The following SHISA9 variants were observed in gnomAD, a reference collection of about 807,000 sequenced individuals.
SHISA9 encodes the protein protein shisa-9.
Under a neutral mutation model 38.0 loss-of-function variants are expected in SHISA9, and 13 were observed. That is an observed-to-expected ratio of 0.34 (90% CI 0.22 to 0.54). SHISA9 has a LOEUF of 0.54. SHISA9 is among the 20% of genes least tolerant of loss of function. The probability of loss-of-function intolerance (pLI) is 0.91; values close to 1 mark genes in which losing one functional copy is unlikely to be tolerated. For synonymous variants in SHISA9, 275 were observed against 242.0 expected (o/e 1.14, Z -1.27); for missense variants, 538 against 575.8 (o/e 0.93, Z 0.67).
At chr16:13,001,243 G>T (rs2072520745) in intron 2 of SHISA9, among the ~76,000 whole-genome samples, 1 of 152,120 alleles carries the variant, frequency 6.6e-6, no homozygotes, top group Admixed American at 6.5e-5. Flanking sequence ...ACTTCTTTTT[G>T]AGATGCAACT....
the SHISA9 span, among the ~76,000 whole-genome samples, chr16:13,278,431 C>T: frequency 6.6e-6 from 1 of 151,842 alleles, no homozygotes; most frequent in African/African-American, 2.4e-5. Flanking sequence ...TTGGCTTCAT[C>T]AAATGAATTT....
At position 13,235,385 on chromosome 16, in the gene SHISA9, C is replaced by T. The variant is rs1428333848; in HGVS notation, c.1251C>T (p.Asn417=). The T allele has an allele frequency of 3.2e-6, 5 of 1,538,724 alleles. No homozygotes were observed. The East Asian group carries it at 9.8e-5, about 30-fold the overall frequency. ...CCCCACAGCCATACTTCATCACCAA[C>T]AGCAAAACAGAAGTGACTGTCTGAG... ...YPPPQPYFIT[N]SKTEVTV Residue 417 remains asparagine, a synonymous_variant, in exon 5 of 5, where the codon AAC becomes AAT. Transcript: ENST00000558583.
chr16:13,190,788 G>C (rs888245336), intron 2 of SHISA9, among the ~76,000 whole-genome samples: 1 of 151,998 alleles, frequency 6.6e-6, no homozygotes, highest in African/African-American at 2.4e-5. Context: ...AACAACTCTA[G>C]TTTTAAAATA....
chr16:13,067,972 T>A (rs548035321), intron 2 of SHISA9, among the ~76,000 whole-genome samples: 2 of 152,368 alleles, frequency 1.3e-5, no homozygotes, highest in African/African-American at 4.8e-5. Context: ...TGATGTCACC[T>A]TTTTAATTGT....
intron 2 of SHISA9, among the ~76,000 whole-genome samples, chr16:12,927,540 A>G (rs2071406994): frequency 1.3e-5 from 2 of 151,260 alleles, no homozygotes; most frequent in South Asian, 4.2e-4. Flanking sequence ...CTGGGGCCAC[A>G]GGCATGTGCA....
chr16:13,435,232 T>G, the SHISA9 span, among the ~76,000 whole-genome samples: 1 of 152,188 alleles, frequency 6.6e-6, no homozygotes, highest in African/African-American at 2.4e-5. Flanking sequence ...AGAATCTTTT[T>G]TTTTTTTCAG....
chr16:13,434,435 TGAGA>T, the SHISA9 span, among the ~76,000 whole-genome samples: 5 of 149,948 alleles, frequency 3.3e-5, no homozygotes, highest in African/African-American at 4.9e-5. Context: ...TTTTTTTTTT[TGAGA>T]TCGAGTTTCA....
the SHISA9 span, among the ~76,000 whole-genome samples, chr16:13,299,893 G>T: frequency 2.0e-5 from 3 of 152,210 alleles, no homozygotes; most frequent in East Asian, 1.9e-4. Context: ...CAAATGGCAG[G>T]TACTGGTTGT....
chr16:13,554,749 C>T, the SHISA9 span, among the ~76,000 whole-genome samples: 2 of 152,148 alleles, frequency 1.3e-5, no homozygotes, highest in Admixed American at 1.3e-4. Context: ...GCTTCGGCCT[C>T]CCAAAGAGCC....
chr16:13,233,323 A>G (rs1205160237), intron 4 of SHISA9, among the ~76,000 whole-genome samples: 4 of 151,996 alleles, frequency 2.6e-5, no homozygotes, highest in Non-Finnish European at 5.9e-5. Context: ...GGAAGGAAGG[A>G]AGGAAGGAAT....
the SHISA9 span, among the ~76,000 whole-genome samples, chr16:13,411,296 T>A: frequency 2.1e-4 from 32 of 152,202 alleles, no homozygotes; most frequent in African/African-American, 7.7e-4. Flanking sequence ...CCAAATTTTG[T>A]GTGAATCAAA....
chr16:13,068,965 A>G (rs1307667013), intron 2 of SHISA9, among the ~76,000 whole-genome samples: 1 of 151,962 alleles, frequency 6.6e-6, no homozygotes, highest in Non-Finnish European at 1.5e-5. Flanking sequence ...GTACATATGC[A>G]TGTATGTATA....
At chr16:13,517,788 C>T in the SHISA9 span, among the ~76,000 whole-genome samples, 1 of 152,192 alleles carries the variant, frequency 6.6e-6, no homozygotes, top group Non-Finnish European at 1.5e-5. Flanking sequence ...GAGACATCCC[C>T]TTCTGCAGAG....
chr16:13,539,418 C>T, the SHISA9 span, among the ~76,000 whole-genome samples: 1 of 141,890 alleles, frequency 7.0e-6, no homozygotes, highest in African/African-American at 2.6e-5. Flanking sequence ...TCAAGCAAGC[C>T]TCCTGCTTTG....
chr16:13,343,779 G>A, the SHISA9 span, among the ~76,000 whole-genome samples: 9 of 152,038 alleles, frequency 5.9e-5, no homozygotes, highest in African/African-American at 2.2e-4. Context: ...ATTATATTAG[G>A]CATCATGATC....
intron 2 of SHISA9, among the ~76,000 whole-genome samples, chr16:12,969,492 C>G (rs1482266360): frequency 6.6e-6 from 1 of 151,924 alleles, no homozygotes; most frequent in East Asian, 1.9e-4. Flanking sequence ...ACCTGTAATC[C>G]CAGGACTTTG....
At chr16:12,968,189 C>CAAAAAAAAAAAAAAAAAAAA (rs200194973) in intron 2 of SHISA9, among the ~76,000 whole-genome samples, 2 of 82,002 alleles carry the variant, frequency 2.4e-5, no homozygotes, top group African/African-American at 9.9e-5. Flanking sequence ...GGCTCCATCT[C>CAAAAAAAAAAAAAAAAAAAA]AAAAAAAAAA....
At chr16:12,954,224 G>A (rs760695148) in intron 2 of SHISA9, among the ~76,000 whole-genome samples, 3 of 152,234 alleles carry the variant, frequency 2.0e-5, no homozygotes, top group Non-Finnish European at 4.4e-5. Flanking sequence ...CAAAGGCGTA[G>A]AGATGTGGTG....
the SHISA9 span, among the ~76,000 whole-genome samples, chr16:13,500,928 C>T: frequency 6.6e-6 from 1 of 152,116 alleles, no homozygotes; most frequent in East Asian, 1.9e-4. Flanking sequence ...GATGGATCAC[C>T]TGTTTTCAAT....
Sources: allele counts gnomAD v4.1 joint callset (sites outside exome capture counted in the v4.1 genomes callset), GRCh38; gene constraint gnomAD v4.1.1; transcripts MANE v1.5; gene names NCBI Gene and HGNC (gene_info 2026-07-23, HGNC 2026-07-21).